The following ARHGEF3 variants were observed in gnomAD, a reference collection of about 807,000 sequenced individuals.
ARHGEF3 encodes the protein 59.8 kDA protein.
In ARHGEF3, 28 loss-of-function variants were observed where a neutral mutation model predicts 63.2. That is an observed-to-expected ratio of 0.44 (90% CI 0.33 to 0.61). The LOEUF is 0.61. Among genes scored for constraint, ARHGEF3 ranks in the 20% least tolerant of loss-of-function variants. ARHGEF3 has a pLI of 0.03. For synonymous variants in ARHGEF3, 266 were observed against 254.2 expected, an observed-to-expected ratio of 1.05 and a Z score of -0.44; for missense variants, 533 against 659.3, an observed-to-expected ratio of 0.81 and a Z score of 2.10.
intron 3 of ARHGEF3, among the ~76,000 whole-genome samples, chr3:56,891,776 A>G (rs888450772): frequency 2.6e-5 from 4 of 152,160 alleles, no homozygotes; most frequent in African/African-American, 9.7e-5. Context: ...CAACTACTCA[A>G]ATATTAACTA....
At chr3:57,045,512 T>C (rs1704414832) in intron 1 of ARHGEF3, among the ~76,000 whole-genome samples, 1 of 152,162 alleles carries the variant, frequency 6.6e-6, no homozygotes, top group African/African-American at 2.4e-5. Context: ...CTATGTCACA[T>C]TGTCATCATT....
At chr3:57,062,177 T>C (rs1361163599) in intron 1 of ARHGEF3, among the ~76,000 whole-genome samples, 2 of 135,270 alleles carry the variant, frequency 1.5e-5, no homozygotes, top group African/African-American at 2.8e-5. Context: ...AGCTCAGTCA[T>C]GTGACTAGAT....
chr3:56,993,364 T>A (rs563812036), intron 2 of ARHGEF3, among the ~76,000 whole-genome samples: 1 of 151,212 alleles, frequency 6.6e-6, no homozygotes, highest in Admixed American at 6.6e-5. Context: ...TTTGTGGGGG[T>A]TTTTTGTTGT....
intron 1 of ARHGEF3, among the ~76,000 whole-genome samples, chr3:56,787,522 C>G (rs1325692414): frequency 1.3e-5 from 2 of 152,038 alleles, no homozygotes; most frequent in Non-Finnish European, 2.9e-5. Flanking sequence ...CACAAACGCT[C>G]TCATCTATGC....
chr3:56,747,689 T>A (rs539985439), intron 6 of ARHGEF3, among the ~76,000 whole-genome samples: 1 of 152,326 alleles, frequency 6.6e-6, no homozygotes, highest in East Asian at 1.9e-4. Flanking sequence ...CCGGGCATAG[T>A]GGTGCATGCC....
At chr3:56,992,375 T>TTAAAAAAAA (rs1701783908) in intron 2 of ARHGEF3, among the ~76,000 whole-genome samples, 1 of 46,136 alleles carries the variant, frequency 2.2e-5, no homozygotes, top group Non-Finnish European at 6.0e-5. Context: ...AGGATGGCTT[T>TTAAAAAAAA]AAAAAAAAAA....
intron 4 of ARHGEF3, among the ~76,000 whole-genome samples, chr3:56,843,456 A>T (rs865976563): frequency 1.3e-5 from 2 of 151,426 alleles, no homozygotes; most frequent in South Asian, 4.2e-4. Flanking sequence ...TTATAGAGAA[A>T]GGGTTTCACC....
chr3:56,854,497 C>T (rs1271889607), intron 4 of ARHGEF3, among the ~76,000 whole-genome samples: 4 of 152,084 alleles, frequency 2.6e-5, no homozygotes, highest in Non-Finnish European at 4.4e-5. Context: ...TAGGAAGATG[C>T]CTCGGGTTCA....
At chr3:56,914,506 T>A (rs2108347286) in intron 3 of ARHGEF3, among the ~76,000 whole-genome samples, 2 of 152,302 alleles carry the variant, frequency 1.3e-5, no homozygotes, top group African/African-American at 4.8e-5. Context: ...CAGAGGGTAG[T>A]TTTCAATCAC....
intron 3 of ARHGEF3, among the ~76,000 whole-genome samples, chr3:56,923,169 A>T (rs1006968974): frequency 1.3e-5 from 2 of 150,712 alleles, no homozygotes; most frequent in Admixed American, 6.7e-5. Context: ...CAGAGGTTGC[A>T]GTGAGCCAAG....
At chr3:57,002,068 C>A (rs567465924) in intron 2 of ARHGEF3, among the ~76,000 whole-genome samples, 2 of 151,770 alleles carry the variant, frequency 1.3e-5, no homozygotes, top group African/African-American at 4.8e-5. Context: ...GGACTACAGG[C>A]GCCCACCACC....
At chr3:56,926,157 C>T (rs919476160) in intron 3 of ARHGEF3, among the ~76,000 whole-genome samples, 2 of 152,148 alleles carry the variant, frequency 1.3e-5, no homozygotes, top group Non-Finnish European at 2.9e-5. Flanking sequence ...ATGACAGTGC[C>T]ATTCCAGCTG....
chr3:57,035,029 A>G, intron 2 of ARHGEF3: 1 of 1,375,046 alleles, frequency 7.3e-7, no homozygotes, highest in Non-Finnish European at 9.8e-7. Context: ...ATTTCATTTA[A>G]TTGTTGCATA....
At chr3:56,993,409 CTGT>C (rs1579041739) in intron 2 of ARHGEF3, among the ~76,000 whole-genome samples, 1 of 152,130 alleles carries the variant, frequency 6.6e-6, no homozygotes, top group African/African-American at 2.4e-5. Flanking sequence ...TGGTCTCACT[CTGT>C]TGCCCAGGCT....
rs1377469256 is a variant in ARHGEF3 at position 57,029,014 on chromosome 3, CA to C, written c.62+6073del. ...ACACACACACACACACACACACACA[CA>C]CCTCCCAAAATAGGACCTGAGGTTG... On this transcript the variant is annotated intron_variant, in intron 2 of 12. Transcript: ENST00000338458. Among the ~76,000 whole-genome samples, 7 of 151,862 alleles carry C rather than the reference CA, an allele frequency of 4.6e-5. No homozygotes were observed. In the East Asian group the frequency reaches 5.8e-4, roughly 13 times the overall value.
intron 2 of ARHGEF3, among the ~76,000 whole-genome samples, chr3:56,967,993 T>C (rs111215305): frequency 4.0e-5 from 2 of 50,346 alleles, no homozygotes; most frequent in Non-Finnish European, 7.2e-5. Flanking sequence ...ATATATAAAA[T>C]ATATAATATA....
intron 1 of ARHGEF3, among the ~76,000 whole-genome samples, chr3:57,059,508 G>A (rs1705105949): frequency 7.7e-6 from 1 of 130,538 alleles, no homozygotes; most frequent in Admixed American, 8.7e-5. Flanking sequence ...GTATGAGTTG[G>A]GGGTGGGGGG....
intron 2 of ARHGEF3, among the ~76,000 whole-genome samples, chr3:57,000,117 C>G (rs1233206370): frequency 6.6e-6 from 1 of 152,136 alleles, no homozygotes; most frequent in East Asian, 1.9e-4. Flanking sequence ...CCTGCAAATG[C>G]TTGCCCGAGT....
intron 2 of ARHGEF3, among the ~76,000 whole-genome samples, chr3:57,008,295 C>T (rs528874075): frequency 1.3e-5 from 2 of 152,224 alleles, no homozygotes; most frequent in African/African-American, 4.8e-5. Flanking sequence ...ATGAAGACCA[C>T]GCTCACGCTT....
Sources: allele counts gnomAD v4.1 joint callset (sites outside exome capture counted in the v4.1 genomes callset), GRCh38; gene constraint gnomAD v4.1.1; transcripts MANE v1.5; gene names NCBI Gene and HGNC (gene_info 2026-07-23, HGNC 2026-07-21).